Variants in EHMT2 observed in about 807,000 individuals in gnomAD.
EHMT2 encodes the protein euchromatic histone lysine methyltransferase 2.
A neutral mutation model predicts 143.3 loss-of-function variants in EHMT2; 59 were observed. The ratio of observed to expected loss-of-function variants is 0.41; its 90% confidence interval spans 0.33 to 0.51. EHMT2 has a LOEUF of 0.51. Among genes scored for constraint, EHMT2 ranks in the 20% least tolerant of loss-of-function variants. EHMT2 has a pLI of 0.18. For synonymous variants in EHMT2, 604 were observed against 651.5 expected, an observed-to-expected ratio of 0.93 and a Z score of 1.11; for missense variants, 1,174 against 1,645.9, an observed-to-expected ratio of 0.71 and a Z score of 4.96.
In EHMT2 at chr6:31,881,598, C is replaced by T. The variant is rs955474935; in HGVS notation, c.3198-506G>A. Reference sequence around the variant, plus strand: ...GGGAGATTCAGACACACGGAGAGGACGTGGGTGGGAAGTGACTGTCAAGAG... The same window carrying T: ...GGGAGATTCAGACACACGGAGAGGATGTGGGTGGGAAGTGACTGTCAAGAG... On this transcript the variant is annotated intron_variant, in intron 25 of 27. Coordinates refer to ENST00000375537, the Ensembl canonical transcript of EHMT2. This position sits in a 1 kb window ranked among gnomAD's most constrained non-coding sequence, Gnocchi z 4.8. The T allele has an allele frequency of 5.5e-6, 1 of 181,244 alleles. No homozygotes were observed. The highest frequency in any genetic ancestry group is 5.4e-5 in the Admixed American group (1 of 18,544). The allele number at this position is 181,244 out of a possible 1,614,324, so 11.2% of individuals were successfully genotyped here.
At chr6:31,879,776 C>T (rs1763857770) in exon 28 of EHMT2, 5 of 447,282 alleles carry the variant, frequency 1.1e-5, no homozygotes, top group African/African-American at 1.9e-5. Flanking sequence ...CCAAACCCAA[C>T]ATTTATTGAG....
In EHMT2 at chr6:31,888,679, G is replaced by A. The variant is rs1210618098; in HGVS notation, c.1285C>T (p.Arg429Cys). 1 of 1,613,818 alleles carries A rather than the reference G, an allele frequency of 6.2e-7. No homozygotes were observed. The highest frequency in any genetic ancestry group is 8.5e-7 in the Non-Finnish European group (1 of 1,180,020). The change falls in exon 11 of 28, where the codon CGC becomes TGC. Residue 429 changes from arginine (R) to cysteine (C), a missense_variant. Physicochemically the swap from Arg to Cys is radical, Grantham distance 180. Transcript: ENST00000375537. The surrounding 1 kb of genome is among the most constrained non-coding windows in gnomAD (Gnocchi z 7.4). ...CGGTCAATCTTGGGTGCCTCCATGCGGCAGCTGCACAGGGGCAACTCCTCA... is the reference window on the plus strand; with the variant it reads ...CGGTCAATCTTGGGTGCCTCCATGCAGCAGCTGCACAGGGGCAACTCCTCA...
At chr6:31,894,333 G>C (rs1204892121) in intron 4 of EHMT2, among the ~76,000 whole-genome samples, 1 of 152,156 alleles carries the variant, frequency 6.6e-6, no homozygotes, top group Non-Finnish European at 1.5e-5. Flanking sequence ...TTTTAATAGA[G>C]ATGGGGTTTC....
chr6:31,892,647 C>T (rs1418590468), intron 6 of EHMT2, 47 bp downstream of exon 6: 1 of 1,612,808 alleles, frequency 6.2e-7, no homozygotes, highest in East Asian at 2.2e-5. Flanking sequence ...TCTGACCCTC[C>T]CTCAGAGCAG....
chr6:31,896,703 C>G, exon 3 of EHMT2: 1 of 1,612,248 alleles, frequency 6.2e-7, no homozygotes, highest in South Asian at 1.1e-5. Flanking sequence ...TGTCAGCCCC[C>G]TCATCACCAA....
At position 31,889,388 on chromosome 6, in the gene EHMT2, G is replaced by A. The variant is rs573288273; in HGVS notation, c.1000-46C>T. ...GAGTTAGGAACCCTCACCCCCAGGG[G>A]CCCCCCCAACACCTTCAGGACCAGA... On this transcript the variant is annotated intron_variant, in intron 8 of 27. Transcript: ENST00000375537. The surrounding 1 kb of genome is among the most constrained non-coding windows in gnomAD (Gnocchi z 5.1). The A allele has an allele frequency of 3.7e-6, 6 of 1,607,742 alleles. No individual in the cohort carries two copies. Among genetic ancestry groups the A allele is most frequent in the East Asian group, 2.2e-5 (1 of 44,810 alleles).
chr6:31,886,798 G>A (rs144112397), exon 17 of EHMT2: 99 of 1,614,110 alleles, frequency 6.1e-5, no homozygotes, highest in Non-Finnish European at 8.1e-5. Flanking sequence ...CAGCCACCAC[G>A]CTGCACCATG....
intron 1 of EHMT2, chr6:31,897,270 C>G (rs1184912559): frequency 5.1e-5 from 44 of 870,270 alleles, no homozygotes; most frequent in Non-Finnish European, 6.4e-5. Flanking sequence ...CCCCCTCCTC[C>G]CGGCTGCACG....
chr6:31,897,461 C>T (rs1766709264), intron 1 of EHMT2, among the ~76,000 whole-genome samples, 175 bp downstream of exon 1: 1 of 150,408 alleles, frequency 6.6e-6, no homozygotes, highest in Admixed American at 6.6e-5. Flanking sequence ...TGCCCACTCC[C>T]CCCACCTCCC....
At chr6:31,896,896 A>G in intron 2 of EHMT2, 27 bp downstream of exon 2, 4 of 1,609,896 alleles carry the variant, frequency 2.5e-6, no homozygotes, top group African/African-American at 1.3e-5. Context: ...TGACGGTCCA[A>G]TTGGGGCCCG....
rs1421789061 is a variant in EHMT2, at chr6:31,880,701, G to A, written c.3424C>T (p.Arg1142Ter). ...AGCTCCTCCCCAGTCCGGATGTCTC[G>A]GGAACTGAAGAAGGCGATGCGTGGA... Residue 1142 changes from arginine (R) to a stop codon, truncating the protein, a stop_gained, in exon 27 of 28, where the codon CGA (arginine) becomes TGA (stop). Transcript: ENST00000375537. LOFTEE classifies it high-confidence loss of function. The surrounding 1 kb of genome is among the most constrained non-coding windows in gnomAD (Gnocchi z 6.6). 2 of 1,613,738 alleles carry A rather than the reference G, an allele frequency of 1.2e-6. No homozygotes were observed. Among genetic ancestry groups the A allele is most frequent in the Non-Finnish European group, 1.7e-6 (2 of 1,179,976 alleles).
rs751329162 is a variant in EHMT2, at chr6:31,883,479, G to A, written c.2917-40C>T. On this transcript the variant is annotated intron_variant, in intron 22 of 27. Transcript: ENST00000375537. This position sits in a 1 kb window ranked among gnomAD's most constrained non-coding sequence, Gnocchi z 5.6. Reference sequence around the variant, plus strand: ...CAGAGGTCAGCTCAACCCCATGATCGGTCTGGGCCCCTCTACTCTTGATGC... The same window carrying A: ...CAGAGGTCAGCTCAACCCCATGATCAGTCTGGGCCCCTCTACTCTTGATGC... 1.9e-5 allele frequency: 30 copies of A among 1,585,502 alleles called. No individual in the cohort carries two copies. The highest frequency in any genetic ancestry group is 2.3e-5 in the South Asian group (2 of 88,386).
In EHMT2 at chr6:31,888,945, CCT is replaced by C; in HGVS notation, c.1216+22_1216+23del. The C allele has an allele frequency of 3.2e-6, 5 of 1,581,748 alleles. No homozygotes were observed. Among genetic ancestry groups the C allele is most frequent in the Non-Finnish European group, 4.3e-6 (5 of 1,164,234 alleles). On this transcript the variant is annotated intron_variant, in intron 10 of 27. Coordinates refer to ENST00000375537, the Ensembl canonical transcript of EHMT2. This position sits in a 1 kb window ranked among gnomAD's most constrained non-coding sequence, Gnocchi z 7.4. Reference sequence around the variant, plus strand: ...CCCTGAGGTCGCCCCCTAGTGGCTCCCTGTCCCGGCAATTGGCAATTACCAGC... The same window carrying C: ...CCCTGAGGTCGCCCCCTAGTGGCTCCGTCCCGGCAATTGGCAATTACCAGC...
chr6:31,887,107 G>C lies in EHMT2; in HGVS notation c.2012-6C>G. Reference sequence around the variant, plus strand: ...GTTGGGGTCCAGGTTGTCCACTGCGGGGAGAGCCCGCCACACCGGGAGAGG... The same window carrying C: ...GTTGGGGTCCAGGTTGTCCACTGCGCGGAGAGCCCGCCACACCGGGAGAGG... On this transcript the variant is annotated splice_region_variant and splice_polypyrimidine_tract_variant and intron_variant, in intron 15 of 27. Transcript: ENST00000375537. 6.3e-7 allele frequency: 1 copy of C among 1,593,206 alleles called. No homozygotes were observed. Among genetic ancestry groups the C allele is most frequent in the Non-Finnish European group, 8.6e-7 (1 of 1,166,816 alleles).
At chr6:31,887,139 C>T in intron 15 of EHMT2, 38 bp from the exon 16 acceptor site, 2 of 1,548,618 alleles carry the variant, frequency 1.3e-6, no homozygotes, top group Non-Finnish European at 1.8e-6. Flanking sequence ...GAGGGAGGGA[C>T]AAGTGGTAAG....
chr6:31,892,715 C>T, exon 6 of EHMT2: 9 of 1,613,124 alleles, frequency 5.6e-6, no homozygotes, highest in Non-Finnish European at 7.6e-6. Flanking sequence ...CTGAGTTCAG[C>T]TTCCTCCTTT....
exon 16 of EHMT2, chr6:31,887,097 G>T: frequency 6.2e-7 from 1 of 1,601,732 alleles, no homozygotes; most frequent in Non-Finnish European, 8.5e-7. Context: ...GGTCCAGGTT[G>T]TCCACTGCGG....
chr6:31,886,477 G>C, intron 18 of EHMT2, 104 bp downstream of exon 18: 1 of 862,006 alleles, frequency 1.2e-6, no homozygotes, highest in South Asian at 1.6e-5. Context: ...ACAGACACGA[G>C]CAGTGTGAGG....
exon 3 of EHMT2, chr6:31,896,636 C>T: frequency 6.3e-7 from 1 of 1,587,600 alleles, no homozygotes; most frequent in Non-Finnish European, 8.6e-7. Context: ...CGGAGGTCCC[C>T]ATCTCCCTCA....
Sources: gnomAD v4.1 joint callset for allele counts (sites outside exome capture counted in the v4.1 genomes callset) on GRCh38, gnomAD v4.1.1 for gene constraint, Gnocchi (gnomAD v3.1) non-coding constraint, MANE v1.5 for transcripts, NCBI Gene and HGNC (gene_info 2026-07-23, HGNC 2026-07-21) for gene names.